The following FTCDNL1 variants were observed in gnomAD, a reference collection of about 807,000 sequenced individuals.
FTCDNL1 encodes the protein formiminotransferase N-terminal subdomain-containing protein.
A neutral mutation model predicts 5.9 loss-of-function variants in FTCDNL1; 11 were observed. That is an observed-to-expected ratio of 1.87 (90% CI 1.18 to 3.10). FTCDNL1 has a LOEUF of 3.10. Ranked by LOEUF, FTCDNL1 falls within the 30% of genes most tolerant of loss-of-function variation. FTCDNL1 has a pLI of 0.00. For synonymous variants in FTCDNL1, 58 were observed against 24.8 expected, an observed-to-expected ratio of 2.34 and a Z score of -3.99; for missense variants, 115 against 65.5, an observed-to-expected ratio of 1.76 and a Z score of -2.61.
intron 3 of FTCDNL1, among the ~76,000 whole-genome samples, chr2:199,781,347 T>C (rs1305900715): frequency 2.6e-5 from 4 of 152,214 alleles, no homozygotes; most frequent in Non-Finnish European, 4.4e-5. Context: ...AGGTATATGA[T>C]GTAATAACAT....
the FTCDNL1 span, among the ~76,000 whole-genome samples, chr2:199,752,352 C>A: frequency 1.3e-5 from 2 of 152,192 alleles, no homozygotes; most frequent in African/African-American, 4.8e-5. Context: ...CTGTGGTGGT[C>A]AATTTTATGA....
At chr2:199,710,095 G>A in the FTCDNL1 span, among the ~76,000 whole-genome samples, 3 of 152,132 alleles carry the variant, frequency 2.0e-5, no homozygotes, top group Non-Finnish European at 4.4e-5. Context: ...TGCCCAAAGT[G>A]CATGTTCCTA....
chr2:199,848,405 T>A (rs1308948602), intron 2 of FTCDNL1, among the ~76,000 whole-genome samples: 1 of 152,034 alleles, frequency 6.6e-6, no homozygotes, highest in Non-Finnish European at 1.5e-5. Flanking sequence ...CTGGCAGGAG[T>A]GCTGGGAAAA....
intron 3 of FTCDNL1, among the ~76,000 whole-genome samples, chr2:199,765,060 A>G (rs564166230): frequency 6.6e-6 from 1 of 152,202 alleles, no homozygotes; most frequent in Non-Finnish European, 1.5e-5. Flanking sequence ...GCAAGGGGGA[A>G]TTCAATCCCA....
intron 3 of FTCDNL1, among the ~76,000 whole-genome samples, chr2:199,765,636 G>A (rs940525725): frequency 1.4e-5 from 2 of 143,528 alleles, no homozygotes; most frequent in South Asian, 4.6e-4. Flanking sequence ...CAACCTATCA[G>A]GTTCAAGCGA....
intron 3 of FTCDNL1, among the ~76,000 whole-genome samples, chr2:199,835,515 T>C (rs181796651): frequency 2.4e-4 from 37 of 152,264 alleles, no homozygotes; most frequent in Non-Finnish European, 2.8e-4. Context: ...CAATAGAGAA[T>C]AGGTGGATGG....
At chr2:199,846,577 T>C (rs1040539456) in intron 2 of FTCDNL1, among the ~76,000 whole-genome samples, 7 of 152,212 alleles carry the variant, frequency 4.6e-5, no homozygotes, top group African/African-American at 1.7e-4. Flanking sequence ...CTAAACTGTT[T>C]GGGTCAAGAT....
the FTCDNL1 span, among the ~76,000 whole-genome samples, chr2:199,696,697 C>A: frequency 2.0e-3 from 297 of 152,164 alleles, 5 homozygotes; most frequent in Admixed American, 0.017. Flanking sequence ...TCAGTTTACA[C>A]AGATGAGAAT....
At chr2:199,700,702 T>C in the FTCDNL1 span, among the ~76,000 whole-genome samples, 2 of 152,072 alleles carry the variant, frequency 1.3e-5, no homozygotes, top group Admixed American at 6.6e-5. Flanking sequence ...AACAGACACA[T>C]AGAACAAGTT....
the FTCDNL1 span, among the ~76,000 whole-genome samples, chr2:199,689,060 A>T: frequency 6.6e-6 from 1 of 152,218 alleles, no homozygotes; most frequent in African/African-American, 2.4e-5. Context: ...AAACATATGG[A>T]AATAATATAA....
the FTCDNL1 span, among the ~76,000 whole-genome samples, chr2:199,726,984 G>C: frequency 6.6e-6 from 1 of 152,214 alleles, no homozygotes; most frequent in African/African-American, 2.4e-5. Context: ...AGACTGCCTG[G>C]ATTCCTCAGA....
At chr2:199,744,139 C>A in the FTCDNL1 span, among the ~76,000 whole-genome samples, 1 of 152,142 alleles carries the variant, frequency 6.6e-6, no homozygotes, top group African/African-American at 2.4e-5. Context: ...ATGACTATGA[C>A]TGCTTTAGGA....
chr2:199,850,068 C>T (rs999910967), intron 1 of FTCDNL1, among the ~76,000 whole-genome samples: 3 of 152,276 alleles, frequency 2.0e-5, no homozygotes, highest in African/African-American at 7.2e-5. Flanking sequence ...CTGGCTTGTT[C>T]GCCAGGATCA....
At chr2:199,759,642 T>C (rs887316547), downstream of FTCDNL1, among the ~76,000 whole-genome samples, 2 of 152,202 alleles carry the variant, frequency 1.3e-5, no homozygotes, top group Non-Finnish European at 2.9e-5. Flanking sequence ...TATTTGTCCT[T>C]TGAAGAAATA....
chr2:199,666,787 T>C, the FTCDNL1 span, among the ~76,000 whole-genome samples: 1 of 151,920 alleles, frequency 6.6e-6, no homozygotes, highest in Non-Finnish European at 1.5e-5. Flanking sequence ...TGGTGGTGCA[T>C]GCCTGTAATC....
the FTCDNL1 span, among the ~76,000 whole-genome samples, chr2:199,719,481 T>G: frequency 6.6e-6 from 1 of 152,218 alleles, no homozygotes; most frequent in African/African-American, 2.4e-5. Flanking sequence ...CTTTGTTCTT[T>G]TTGCTTAGAA....
chr2:199,820,940 C>T (rs74972250), intron 3 of FTCDNL1, among the ~76,000 whole-genome samples: 89 of 152,272 alleles, frequency 5.8e-4, no homozygotes, highest in African/African-American at 2.0e-3. Flanking sequence ...TTCCGTATCA[C>T]GGATCATCAA....
At chr2:199,778,266 C>T (rs1699191734) in intron 3 of FTCDNL1, among the ~76,000 whole-genome samples, 2 of 152,168 alleles carry the variant, frequency 1.3e-5, no homozygotes, top group African/African-American at 2.4e-5. Context: ...TTCTCTCCCT[C>T]CTGAAAGCAC....
At chr2:199,787,160 T>C (rs1341981682) in intron 3 of FTCDNL1, among the ~76,000 whole-genome samples, 3 of 152,056 alleles carry the variant, frequency 2.0e-5, no homozygotes, top group Non-Finnish European at 2.9e-5. Flanking sequence ...GGTTGGCTGA[T>C]TGGCAACCTT....
Sources: gnomAD v4.1 joint callset for allele counts (sites outside exome capture counted in the v4.1 genomes callset) on GRCh38, gnomAD v4.1.1 for gene constraint, MANE v1.5 for transcripts, NCBI Gene and HGNC (gene_info 2026-07-23, HGNC 2026-07-21) for gene names.